The following BRCA2 variants were observed in gnomAD, a reference collection of about 807,000 sequenced individuals.
BRCA2 encodes breast cancer type 2 susceptibility protein.
A neutral mutation model predicts 276.7 loss-of-function variants in BRCA2; 203 were observed. The observed-to-expected ratio is 0.73, with a 90% CI of 0.65 to 0.82. The LOEUF (loss-of-function observed/expected upper bound fraction) is 0.82, where lower values mean the gene tolerates loss of function less well. BRCA2 is among the 40% of genes least tolerant of loss of function. The probability of loss-of-function intolerance (pLI) is 0.00; values close to 1 mark genes in which losing one functional copy is unlikely to be tolerated. For synonymous variants in BRCA2, 1,289 were observed against 1,338.4 expected, an observed-to-expected ratio of 0.96 and a Z score of 0.81; for missense variants, 3,920 against 3,915.0, an observed-to-expected ratio of 1.00 and a Z score of -0.03.
intron 21 of BRCA2, among the ~76,000 whole-genome samples, chr13:32,377,388 T>C (rs2072881102): frequency 6.6e-6 from 1 of 152,090 alleles, no homozygotes; most frequent in South Asian, 2.1e-4. Context: ...GGTCGGGAGT[T>C]CGTGACCAGC....
Position 32,334,347 on chromosome 13 carries a change from G to A in BRCA2, c.1909+960G>A, listed in dbSNP as rs564215173. Among the ~76,000 whole-genome samples, 5 of 152,194 alleles carry A rather than the reference G, an allele frequency of 3.3e-5. No homozygotes were observed. The East Asian group carries it at 7.7e-4, about 24-fold the overall frequency. ...CAAATTGGACAACTCATATAAATAT[G>A]TGGTGCTACTTACTATGTATTTTCT... On this transcript the variant is annotated intron_variant, in intron 10 of 26. Coordinates refer to ENST00000380152, the MANE Select transcript of BRCA2 (RefSeq NM_000059.4).
intron 8 of BRCA2, among the ~76,000 whole-genome samples, chr13:32,330,646 G>C (rs141949485): frequency 2.3e-4 from 35 of 152,312 alleles, no homozygotes; most frequent in African/African-American, 7.9e-4. Context: ...GATGGAGCAA[G>C]ATGGTGCAAG....
In BRCA2 at chr13:32,338,111, T is replaced by C; in HGVS notation, c.3756T>C (p.Ser1252=). The C allele has an allele frequency of 6.2e-7, 1 of 1,609,998 alleles. No individual in the cohort carries two copies. Among genetic ancestry groups the C allele is most frequent in the Non-Finnish European group, 8.5e-7 (1 of 1,178,390 alleles). The part of the protein sequence containing the change: ...SDIENISEET[S]AEVHPISLSS... Reference sequence around the variant, plus strand: ...TTGAGAATATTAGTGAGGAAACTTCTGCAGAGGTACATCCAATAAGTTTAT... The same window carrying C: ...TTGAGAATATTAGTGAGGAAACTTCCGCAGAGGTACATCCAATAAGTTTAT... The change falls in exon 11 of 27, where the codon TCT becomes TCC. Residue 1252 remains serine (S), a synonymous_variant. Transcript: ENST00000380152.
rs1164808846 is a variant in BRCA2, at chr13:32,368,873, C to T, written c.8332-1529C>T. ...TTGCCCAGGCTAGAGTGCAGTGGTG[C>T]GATCTCGGCTCACTGCAACCTCCAC... On this transcript the variant is annotated intron_variant, in intron 18 of 26. Coordinates refer to ENST00000380152, the MANE Select transcript of BRCA2 (RefSeq NM_000059.4). Among the ~76,000 whole-genome samples the T allele has an allele frequency of 1.0e-4, 15 of 149,076 alleles. 1 individual carries two copies. Among genetic ancestry groups the T allele is most frequent in the South Asian group, 4.3e-4 (2 of 4,690 alleles).
chr13:32,360,371 C>A (rs2072730292), intron 16 of BRCA2, among the ~76,000 whole-genome samples: 1 of 151,970 alleles, frequency 6.6e-6, no homozygotes, highest in South Asian at 2.1e-4. Flanking sequence ...CATGATCTGA[C>A]TTTTTTTTGA....
chr13:32,383,937 A>G (rs2072942217), intron 24 of BRCA2, among the ~76,000 whole-genome samples: 1 of 152,168 alleles, frequency 6.6e-6, no homozygotes, highest in Non-Finnish European at 1.5e-5. Flanking sequence ...TTAGGAAGAA[A>G]ACAAGGAACT....
At chr13:32,360,463 G>A (rs533935925) in intron 16 of BRCA2, among the ~76,000 whole-genome samples, 12 of 152,084 alleles carry the variant, frequency 7.9e-5, no homozygotes, top group Admixed American at 3.9e-4. Flanking sequence ...AGGTTCAAGC[G>A]ATTCTCCTGC....
chr13:32,370,815 A>C, intron 19 of BRCA2, 141 bp from the exon 20 acceptor site: 1 of 1,101,426 alleles, frequency 9.1e-7, no homozygotes, highest in East Asian at 2.5e-5. Flanking sequence ...CTGATCTCGA[A>C]CTCCTGACCT....
chr13:32,377,597 A>G (rs2072882933), intron 21 of BRCA2, among the ~76,000 whole-genome samples: 1 of 152,114 alleles, frequency 6.6e-6, no homozygotes, highest in Non-Finnish European at 1.5e-5. Flanking sequence ...TCTCAAAAAA[A>G]AAAAAAAAAA....
chr13:32,395,069 C>T, intron 25 of BRCA2, 136 bp downstream of exon 25: 1 of 1,225,574 alleles, frequency 8.2e-7, no homozygotes, highest in Non-Finnish European at 1.1e-6. Context: ...ATATTAATTG[C>T]CCATGAACCT....
intron 20 of BRCA2, among the ~76,000 whole-genome samples, chr13:32,373,040 T>C (rs1361342991): frequency 6.6e-6 from 1 of 151,310 alleles, no homozygotes; most frequent in Admixed American, 6.6e-5. Flanking sequence ...TTGTCCAGGC[T>C]AGAGTGCAGT....
rs1555283948 is a variant in BRCA2 at position 32,339,186 on chromosome 13, G to T, written c.4831G>T (p.Val1611Leu). ...AAACCTTGTTTCTATTGAGACTGTGGTGCCACCTAAGCTCTTAAGTGATAA... is the reference window on the plus strand; with the variant it reads ...AAACCTTGTTTCTATTGAGACTGTGTTGCCACCTAAGCTCTTAAGTGATAA... Reference protein sequence around the residue: ...DKNLVSIETVVPPKLLSDNLC... With the variant: ...DKNLVSIETVLPPKLLSDNLC... Residue 1611 changes from valine to leucine, a missense_variant, in exon 11 of 27, where the codon GTG becomes TTG. This residue lies in a region of BRCA2 where 3,263 missense variants were observed against 3,156.9 expected (regional missense o/e 1.03). Coordinates refer to ENST00000380152, the MANE Select transcript of BRCA2 (RefSeq NM_000059.4). The T allele has an allele frequency of 6.2e-7, 1 of 1,613,588 alleles. No individual in the cohort carries two copies. The highest frequency in any genetic ancestry group is 1.3e-5 in the African/African-American group (1 of 75,028).
chr13:32,332,996 C>G lies in BRCA2; in HGVS notation c.1518C>G (p.Phe506Leu), dbSNP rs1438502006. 1 of 1,593,794 alleles carries G rather than the reference C, an allele frequency of 6.3e-7. No homozygotes were observed. The highest frequency in any genetic ancestry group is 1.8e-5 in the Admixed American group (1 of 54,220). Reference protein sequence around the residue: ...SSFQGIKKSIFRIRESPKETF... With the variant: ...SSFQGIKKSILRIRESPKETF... ...TTCAGGGTATCAAAAAGTCTATATT[C>G]AGAATAAGAGAATCACCTAAAGAGA... Residue 506 changes from phenylalanine to leucine, a missense_variant, in exon 10 of 27, where the codon TTC (phenylalanine) becomes TTG (leucine). By Grantham distance (22) the Phe-to-Leu change is conservative. Around this residue, in one of 2 missense-constraint regions of BRCA2, gnomAD observed 3,263 missense variants for 3,156.9 expected, o/e 1.03. Transcript: ENST00000380152.
intron 16 of BRCA2, among the ~76,000 whole-genome samples, chr13:32,358,690 C>T (rs1276401935): frequency 1.3e-5 from 2 of 150,676 alleles, no homozygotes; most frequent in Non-Finnish European, 3.0e-5. Context: ...CCCAACACTT[C>T]GGAAGGCCAA....
intron 24 of BRCA2, among the ~76,000 whole-genome samples, chr13:32,392,688 A>G (rs906458735): frequency 4.6e-5 from 7 of 152,194 alleles, no homozygotes; most frequent in Admixed American, 3.9e-4. Flanking sequence ...TTCCTCACCT[A>G]GCTTCCCCTA....
chr13:32,368,970 C>T (rs190987832), intron 18 of BRCA2, among the ~76,000 whole-genome samples: 233 of 152,080 alleles, frequency 1.5e-3, no homozygotes, highest in African/African-American at 5.5e-3. Flanking sequence ...GCCACCACCC[C>T]TGGCTAATTT....
At position 32,326,226 on chromosome 13, in the gene BRCA2, C is replaced by T. The variant is rs2072345461; in HGVS notation, c.476-16C>T. On this transcript the variant is annotated splice_polypyrimidine_tract_variant and intron_variant, in intron 5 of 26. Coordinates refer to ENST00000380152, the MANE Select transcript of BRCA2 (RefSeq NM_000059.4). ...AAAAATAAAACTTAACAATTTTCCC[C>T]TTTTTTTACCCCCAGTGGTATGTGG... The T allele has an allele frequency of 6.2e-7, 1 of 1,612,878 alleles. No homozygotes were observed. The highest frequency in any genetic ancestry group is 1.7e-5 in the Admixed American group (1 of 59,988).
intron 18 of BRCA2, among the ~76,000 whole-genome samples, chr13:32,368,819 G>GTT (rs3837580): frequency 1.5e-4 from 21 of 138,378 alleles, no homozygotes; most frequent in Admixed American, 3.7e-4. Flanking sequence ...GGTTTTTTTT[G>GTT]TTTTTTTTTT....
rs1466234699 is a variant in BRCA2 at position 32,398,696 on chromosome 13, GA to G, written c.10184del (p.Glu3395GlyfsTer32). 5 of 1,614,098 alleles carry G rather than the reference GA, an allele frequency of 3.1e-6. No individual in the cohort carries two copies. Among genetic ancestry groups the G allele is most frequent in the Non-Finnish European group, 4.2e-6 (5 of 1,179,992 alleles). Reference sequence around the variant, plus strand: ...TACTACATCTCTGATCAAAGAACAGGAGAGTTCCCAGGCCAGTACGGAAGAA... The same window carrying G: ...TACTACATCTCTGATCAAAGAACAGGGAGTTCCCAGGCCAGTACGGAAGAA... ...RCTTSLIKEQ[E>X]SSQASTEECE... On this transcript the variant is annotated frameshift_variant, in exon 27 of 27. Coordinates refer to ENST00000380152, the MANE Select transcript of BRCA2 (RefSeq NM_000059.4). LOFTEE classifies it low-confidence loss of function (END_TRUNC).
Sources: allele counts gnomAD v4.1 joint callset (sites outside exome capture counted in the v4.1 genomes callset), GRCh38; gene constraint gnomAD v4.1.1; regional missense constraint gnomAD v4.1.1; transcripts MANE v1.5; gene names NCBI Gene and HGNC (gene_info 2026-07-23, HGNC 2026-07-21).